CTNND2: variants seen among roughly 807,000 people sequenced by gnomAD.
CTNND2 encodes catenin delta 2.
A neutral mutation model predicts 144.4 loss-of-function variants in CTNND2; 22 were observed. That is an observed-to-expected ratio of 0.15 (90% CI 0.11 to 0.22). The LOEUF (loss-of-function observed/expected upper bound fraction) is 0.22, where lower values mean the gene tolerates loss of function less well. CTNND2 is among the 10% of genes least tolerant of loss of function. The probability of loss-of-function intolerance (pLI) is 1.00; values close to 1 mark genes in which losing one functional copy is unlikely to be tolerated. For missense variants in CTNND2, 1,353 were observed against 1,618.8 expected (o/e 0.84, Z 2.82); for synonymous variants, 751 against 695.6 (o/e 1.08, Z -1.25).
At chr5:11,441,199 C>T (rs1764228149) in intron 3 of CTNND2, among the ~76,000 whole-genome samples, 1 of 151,948 alleles carries the variant, frequency 6.6e-6, no homozygotes, top group Admixed American at 6.6e-5. Flanking sequence ...GTACCAAATA[C>T]ACTCATGATA....
chr5:11,472,536 T>C (rs946968514), intron 3 of CTNND2, among the ~76,000 whole-genome samples: 1 of 152,192 alleles, frequency 6.6e-6, no homozygotes, highest in Admixed American at 6.5e-5. Flanking sequence ...AGAACTTGCA[T>C]CTTTTCAATA....
At chr5:11,741,340 T>C (rs1047954475) in intron 1 of CTNND2, among the ~76,000 whole-genome samples, 2 of 152,112 alleles carry the variant, frequency 1.3e-5, no homozygotes, top group Non-Finnish European at 2.9e-5. Context: ...AATGATAGAC[T>C]GGATTAAGAA....
chr5:11,849,900 G>C (rs1283063635), intron 1 of CTNND2, among the ~76,000 whole-genome samples: 1 of 152,134 alleles, frequency 6.6e-6, no homozygotes, highest in Non-Finnish European at 1.5e-5. Flanking sequence ...TTGTAGGGTT[G>C]AAAGCCAAAT....
At chr5:11,065,919 T>C (rs374596803) in intron 16 of CTNND2, among the ~76,000 whole-genome samples, 8 of 152,306 alleles carry the variant, frequency 5.3e-5, no homozygotes, top group Middle Eastern at 3.4e-3. Context: ...CTCCCCATCC[T>C]GAAGAGATTA....
intron 14 of CTNND2, among the ~76,000 whole-genome samples, chr5:11,101,884 C>CGTGTGTGTGTGTGTGT (rs1561304077): frequency 1.9e-4 from 17 of 88,498 alleles, no homozygotes; most frequent in African/African-American, 8.0e-4. Context: ...ATGACGACCA[C>CGTGTGTGTGTGTGTGT]ATATGTGTGT....
chr5:11,636,393 G>A (rs1781704775), intron 2 of CTNND2, among the ~76,000 whole-genome samples: 1 of 152,104 alleles, frequency 6.6e-6, no homozygotes, highest in Admixed American at 6.6e-5. Flanking sequence ...ACAGCGCTTT[G>A]TTATACCTAT....
intron 8 of CTNND2, 125 bp downstream of exon 8, chr5:11,364,571 A>G (rs1756778480): frequency 1.6e-6 from 1 of 637,326 alleles, no homozygotes; most frequent in Admixed American, 3.9e-5. Flanking sequence ...TGATAGAAGC[A>G]GGTCACAGTG....
At chr5:11,129,021 A>AT (rs1252720481) in intron 12 of CTNND2, among the ~76,000 whole-genome samples, 1 of 25,690 alleles carries the variant, frequency 3.9e-5, no homozygotes, top group Non-Finnish European at 8.3e-5. Context: ...ATTATATATA[A>AT]ATAAAAAATA....
chr5:11,239,872 G>A lies in CTNND2; in HGVS notation c.1629-3049C>T, dbSNP rs10044077. 1.9e-3 allele frequency among the ~76,000 whole-genome samples: 288 copies of A among 152,322 alleles called. 3 individuals carry two copies. The highest frequency in any genetic ancestry group is 6.3e-3 in the African/African-American group (261 of 41,582). ...ACACCGTCATGCTGTGGGCCATGAG[G>A]TGACCATCTCTCGCTTCACTCTGGT... is the stretch of plus-strand genomic sequence containing the variant. On this transcript the variant is annotated intron_variant, in intron 9 of 21. Transcript: ENST00000304623.
At chr5:11,206,899 ACT>A (rs372520234) in intron 10 of CTNND2, among the ~76,000 whole-genome samples, 77 of 149,046 alleles carry the variant, frequency 5.2e-4, no homozygotes, top group East Asian at 2.9e-3. Context: ...ACTTACACTT[ACT>A]CTCTCTCTCT....
chr5:11,245,942 A>T (rs537739751), intron 9 of CTNND2, among the ~76,000 whole-genome samples: 6 of 152,310 alleles, frequency 3.9e-5, no homozygotes, highest in Admixed American at 3.3e-4. Context: ...TCGTTCATCT[A>T]AGAGTTGGAA....
chr5:11,427,910 T>C (rs1211952569), intron 3 of CTNND2, among the ~76,000 whole-genome samples: 3 of 152,178 alleles, frequency 2.0e-5, no homozygotes, highest in Non-Finnish European at 2.9e-5. Context: ...AGAGGTTTAA[T>C]TGGACTCACA....
chr5:11,303,699 A>G (rs1749848410), intron 9 of CTNND2, among the ~76,000 whole-genome samples: 1 of 152,194 alleles, frequency 6.6e-6, no homozygotes. Context: ...GTATGTGGTA[A>G]TGGGAAACCA....
At chr5:11,825,885 G>T (rs559546402) in intron 1 of CTNND2, among the ~76,000 whole-genome samples, 1 of 151,854 alleles carries the variant, frequency 6.6e-6, no homozygotes, top group Non-Finnish European at 1.5e-5. Flanking sequence ...TATACCTAGT[G>T]GAAATAAACA....
At chr5:11,323,096 T>C (rs189128063) in intron 9 of CTNND2, among the ~76,000 whole-genome samples, 3 of 152,272 alleles carry the variant, frequency 2.0e-5, no homozygotes, top group African/African-American at 7.2e-5. Flanking sequence ...TTGAGTACTA[T>C]GGCACAGTCA....
At position 11,794,342 on chromosome 5, in the gene CTNND2, G is replaced by GA. The variant is rs1284617294; in HGVS notation, c.38-62071dup. Among the ~76,000 whole-genome samples the GA allele has an allele frequency of 2.0e-5, 3 of 152,152 alleles. No homozygotes were observed. The East Asian group carries it at 5.8e-4, about 29-fold the overall frequency. ...AAATTTAAACACTGATCTAAACTTAGAAAAAATGGTGTATCAACGTGAAAC... is the reference window on the plus strand; with the variant it reads ...AAATTTAAACACTGATCTAAACTTAGAAAAAAATGGTGTATCAACGTGAAAC... On this transcript the variant is annotated intron_variant, in intron 1 of 21. Transcript: ENST00000304623.
rs571521854 is a variant in CTNND2, at chr5:11,832,784, T to C, written c.37+71033A>G. On this transcript the variant is annotated intron_variant, in intron 1 of 21. Coordinates refer to ENST00000304623, the MANE Select transcript of CTNND2 (RefSeq NM_001332.4). Reference sequence around the variant, plus strand: ...GGTGAAACCTTATCTCTACAAAAAATAGGAAAATTAGTGGGTCATGGTGGT... The same window carrying C: ...GGTGAAACCTTATCTCTACAAAAAACAGGAAAATTAGTGGGTCATGGTGGT... Among the ~76,000 whole-genome samples the C allele has an allele frequency of 7.5e-4, 114 of 151,954 alleles. 1 individual carries two copies. Among genetic ancestry groups the C allele is most frequent in the Non-Finnish European group, 2.4e-4 (16 of 67,958 alleles).
intron 3 of CTNND2, among the ~76,000 whole-genome samples, chr5:11,445,969 TTTTG>T (rs1165307392): frequency 3.3e-5 from 5 of 152,118 alleles, no homozygotes; most frequent in Admixed American, 2.6e-4. Flanking sequence ...GATACAAATT[TTTTG>T]TTTGTTTTTT....
At position 11,152,453 on chromosome 5, in the gene CTNND2, G is replaced by T. The variant is rs566719499; in HGVS notation, c.2159+7123C>A. On this transcript the variant is annotated intron_variant, in intron 12 of 21. Coordinates refer to ENST00000304623, the MANE Select transcript of CTNND2 (RefSeq NM_001332.4). ...TCATACAGCCTAGGCTGTGTCATAAGCTATAACGTCTAGGTTTGTGTAAGT... is the reference window on the plus strand; with the variant it reads ...TCATACAGCCTAGGCTGTGTCATAATCTATAACGTCTAGGTTTGTGTAAGT... Among the ~76,000 whole-genome samples, 4 of 152,332 alleles carry T rather than the reference G, an allele frequency of 2.6e-5. No individual in the cohort carries two copies. In the East Asian group the frequency reaches 7.7e-4, roughly 29 times the overall value.
Sources: gnomAD v4.1 joint callset for allele counts (sites outside exome capture counted in the v4.1 genomes callset) on GRCh38, gnomAD v4.1.1 for gene constraint, MANE v1.5 for transcripts, NCBI Gene and HGNC (gene_info 2026-07-23, HGNC 2026-07-21) for gene names.